USH2A: variants seen among roughly 807,000 people sequenced by gnomAD.
USH2A encodes usherin.
A neutral mutation model predicts 538.9 loss-of-function variants in USH2A; 443 were observed. The ratio of observed to expected loss-of-function variants is 0.82; its 90% CI spans 0.76 to 0.89. USH2A has a LOEUF of 0.89. Ranked by LOEUF, USH2A falls within the 40% of genes least tolerant of loss-of-function variation. The probability of loss-of-function intolerance (pLI) is 0.00; values close to 1 mark genes in which losing one functional copy is unlikely to be tolerated. For synonymous variants in USH2A, 2,413 were observed against 2,273.5 expected (o/e 1.06, Z -1.75); for missense variants, 6,633 against 6,324.8 (o/e 1.05, Z -1.65).
In USH2A at chr1:215,631,227, A is replaced by AGTGTGTGTGTGT. The variant is rs145355299; in HGVS notation, c.15298-2204_15298-2193dup. 2.4e-3 allele frequency among the ~76,000 whole-genome samples: 359 copies of AGTGTGTGTGTGT among 148,548 alleles called. 1 individual carries two copies. The highest frequency in any genetic ancestry group is 7.6e-3 in the African/African-American group (307 of 40,622). On this transcript the variant is annotated intron_variant, in intron 70 of 71. Coordinates refer to ENST00000307340, the MANE Select transcript of USH2A (RefSeq NM_206933.4). ...CAGAGCTTGTCACATGAGGGGGAGAAGTGTGTGTGTGTGTGTGTGTGGGTG... is the reference window on the plus strand; with the variant it reads ...CAGAGCTTGTCACATGAGGGGGAGAAGTGTGTGTGTGTGTGTGTGTGTGTGTGTGTGTGGGTG...
chr1:215,906,780 A>G (rs1230774462), intron 38 of USH2A, among the ~76,000 whole-genome samples: 4 of 152,094 alleles, frequency 2.6e-5, no homozygotes, highest in African/African-American at 9.7e-5. Flanking sequence ...AATGAAATGT[A>G]AAATGGAGAA....
chr1:216,130,041 A>G (rs1301578974), intron 21 of USH2A, among the ~76,000 whole-genome samples: 1 of 152,108 alleles, frequency 6.6e-6, no homozygotes, highest in Admixed American at 6.6e-5. Flanking sequence ...ATCTCTTGCC[A>G]TAAACAAAAA....
At chr1:215,890,427 T>G (rs1665178299) in intron 40 of USH2A, among the ~76,000 whole-genome samples, 1 of 152,112 alleles carries the variant, frequency 6.6e-6, no homozygotes, top group Non-Finnish European at 1.5e-5. Context: ...CACAACAGGA[T>G]CCACGTATTT....
chr1:215,645,032 T>A (rs1187828913), intron 67 of USH2A, among the ~76,000 whole-genome samples: 1 of 152,200 alleles, frequency 6.6e-6, no homozygotes, highest in Non-Finnish European at 1.5e-5. Context: ...AGGACCACCC[T>A]TTCCTTGTCA....
intron 35 of USH2A, among the ~76,000 whole-genome samples, chr1:215,987,797 C>T (rs775410363): frequency 8.5e-5 from 13 of 152,160 alleles, no homozygotes; most frequent in Non-Finnish European, 1.8e-4. Context: ...AGGTCACGTT[C>T]CACTGAACTG....
At chr1:216,220,552 A>G (rs1370324904) in intron 14 of USH2A, among the ~76,000 whole-genome samples, 2 of 151,540 alleles carry the variant, frequency 1.3e-5, no homozygotes, top group African/African-American at 4.9e-5. Context: ...TGAACGTTAA[A>G]AGATGAGTAG....
chr1:215,633,545 T>C (rs1327290965), intron 70 of USH2A, among the ~76,000 whole-genome samples: 1 of 152,216 alleles, frequency 6.6e-6, no homozygotes. Context: ...GTTCACTCAC[T>C]GCTGTTTTTT....
intron 43 of USH2A, among the ~76,000 whole-genome samples, chr1:215,870,519 T>C (rs1462726686): frequency 6.6e-6 from 1 of 150,606 alleles, no homozygotes; most frequent in Non-Finnish European, 1.5e-5. Flanking sequence ...ATGGTCTCGA[T>C]CTTCTGACCT....
rs1047577573 is a variant in USH2A, at chr1:215,965,308, A to G, written c.7120+9T>C. 4.3e-6 allele frequency: 7 copies of G among 1,611,100 alleles called. No homozygotes were observed. In the Admixed American group the frequency reaches 1.2e-4, roughly 27 times the overall value. ...GTTATTTAAAGTTTAGAAAATAAAA[A>G]CAAATTACCTGGGTCTACATAGAAT... is the stretch of plus-strand genomic sequence containing the variant. On this transcript the variant is annotated intron_variant, in intron 37 of 71. Coordinates refer to ENST00000307340, the MANE Select transcript of USH2A (RefSeq NM_206933.4).
rs199924361 is a variant in USH2A at position 215,890,824 on chromosome 1, T to TA, written c.7595-1771dup. On this transcript the variant is annotated intron_variant, in intron 40 of 71. Coordinates refer to ENST00000307340, the MANE Select transcript of USH2A (RefSeq NM_206933.4). The stretch of plus-strand genomic sequence containing the variant: ...AAGATATCAATGTTGTTTTGAAATC[T>TA]AAAAAAACCCCCAAATCCCCTGAGA... Among the ~76,000 whole-genome samples the TA allele has an allele frequency of 7.2e-5, 11 of 152,264 alleles. No homozygotes were observed. The East Asian group carries it at 9.7e-4, about 13-fold the overall frequency.
At chr1:216,077,993 G>T in intron 27 of USH2A, 96 bp downstream of exon 27, 2 of 1,486,304 alleles carry the variant, frequency 1.3e-6, no homozygotes, top group Non-Finnish European at 1.9e-6. Flanking sequence ...GCTGCTTTTA[G>T]CCTGAGTCTA....
At chr1:216,417,995 CTG>C (rs1380305048) in intron 3 of USH2A, among the ~76,000 whole-genome samples, 1 of 152,098 alleles carries the variant, frequency 6.6e-6, no homozygotes, top group South Asian at 2.1e-4. Context: ...CTCATACAAA[CTG>C]TGGTTGACAA....
rs1032552217 is a variant in USH2A, at chr1:216,191,217, A to G, written c.4252-850T>C. The stretch of plus-strand genomic sequence containing the variant: ...AGAGAGTATGACAGTAACTATGAGT[A>G]CAAAACTAATTTTCTTAGGGCTACT... On this transcript the variant is annotated intron_variant, in intron 19 of 71. Coordinates refer to ENST00000307340, the MANE Select transcript of USH2A (RefSeq NM_206933.4). Among the ~76,000 whole-genome samples, 3 of 152,068 alleles carry G rather than the reference A, an allele frequency of 2.0e-5. No homozygotes were observed. In the East Asian group the frequency reaches 5.8e-4, roughly 29 times the overall value.
At chr1:216,385,855 T>C (rs2038994370) in intron 3 of USH2A, among the ~76,000 whole-genome samples, 1 of 152,206 alleles carries the variant, frequency 6.6e-6, no homozygotes, top group South Asian at 2.1e-4. Context: ...CTTTCTGCCT[T>C]TCTACATCCT....
At chr1:215,986,291 T>G (rs1300213434) in intron 35 of USH2A, among the ~76,000 whole-genome samples, 1 of 138,126 alleles carries the variant, frequency 7.2e-6, no homozygotes. Flanking sequence ...GGCTAATTTT[T>G]TTTTTCTTTT....
chr1:216,420,326 C>A (rs2039655421), intron 2 of USH2A, among the ~76,000 whole-genome samples: 1 of 152,082 alleles, frequency 6.6e-6, no homozygotes, highest in African/African-American at 2.4e-5. Context: ...TGCTTGTAAA[C>A]ATACTAGCTT....
In USH2A at chr1:215,815,703, A is replaced by T. The variant is rs1427374182; in HGVS notation, c.9570+1294T>A. 1.3e-5 allele frequency among the ~76,000 whole-genome samples: 2 copies of T among 151,964 alleles called. 1 individual carries two copies. The highest frequency in any genetic ancestry group is 2.9e-5 in the Non-Finnish European group (2 of 67,942). On this transcript the variant is annotated intron_variant, in intron 48 of 71. Coordinates refer to ENST00000307340, the MANE Select transcript of USH2A (RefSeq NM_206933.4). Reference sequence around the variant, plus strand: ...CATTACTTTTTCTTCACCCTATCTCAGGTATATTCTAATTTAATATGAACA... The same window carrying T: ...CATTACTTTTTCTTCACCCTATCTCTGGTATATTCTAATTTAATATGAACA...
intron 30 of USH2A, among the ~76,000 whole-genome samples, chr1:216,054,194 G>A (rs996639281): frequency 6.6e-6 from 1 of 152,094 alleles, no homozygotes; most frequent in Non-Finnish European, 1.5e-5. Context: ...AGCTCCACTC[G>A]GCTATTTCTC....
At chr1:215,680,841 C>G (rs973761138) in intron 61 of USH2A, among the ~76,000 whole-genome samples, 1 of 152,074 alleles carries the variant, frequency 6.6e-6, no homozygotes, top group African/African-American at 2.4e-5. Context: ...GTACACAAGA[C>G]TCTCCATCTT....
Sources: allele counts gnomAD v4.1 joint callset (sites outside exome capture counted in the v4.1 genomes callset), GRCh38; gene constraint gnomAD v4.1.1; transcripts MANE v1.5; gene names NCBI Gene and HGNC (gene_info 2026-07-23, HGNC 2026-07-21).